SFT2D2: variants seen among roughly 807,000 people sequenced by gnomAD.
SFT2D2 encodes the protein vesicle transport protein SFT2B.
A neutral mutation model predicts 27.4 loss-of-function variants in SFT2D2; 21 were observed. The ratio of observed to expected loss-of-function variants is 0.77; its 90% CI spans 0.54 to 1.10. SFT2D2 has a LOEUF of 1.10. SFT2D2 is among the 50% of genes least tolerant of loss of function. SFT2D2 has a pLI of 0.00. For synonymous variants in SFT2D2, 72 were observed against 71.7 expected (o/e 1.00, Z -0.02); for missense variants, 187 against 194.2 (o/e 0.96, Z 0.22).
At position 168,248,898 on chromosome 1, in the gene SFT2D2, A is replaced by C. The variant is rs1425844519; in HGVS notation, c.*6358A>C. On this transcript the variant is annotated 3_prime_UTR_variant, in exon 8 of 8. Transcript: ENST00000271375. ...CGTAGAGTTGTTTATAGTATTCTCT[A>C]ATGGTAGTTTGTATTTCTGTGGTAT... 1 of 151,734 alleles carries C rather than the reference A, an allele frequency of 6.6e-6. No individual in the cohort carries two copies. Among genetic ancestry groups the C allele is most frequent in the Admixed American group, 6.6e-5 (1 of 15,240 alleles). 9.4% of individuals were successfully genotyped at this position (151,734 alleles called of 1,614,324 possible).
intron 2 of SFT2D2, 23 bp downstream of exon 2, chr1:168,231,623 G>C: frequency 6.2e-7 from 1 of 1,606,930 alleles, no homozygotes; most frequent in Non-Finnish European, 8.5e-7. Flanking sequence ...TTCCTCCTCT[G>C]TCTTTTCCTT....
At chr1:168,235,263 A>C in intron 4 of SFT2D2, 81 bp downstream of exon 4, 1 of 1,334,918 alleles carries the variant, frequency 7.5e-7, no homozygotes, top group Non-Finnish European at 1.1e-6. Context: ...TTTAAATCTA[A>C]AGACCTCTTC....
chr1:168,242,655 A>T lies in SFT2D2; in HGVS notation c.*115A>T. Reference sequence around the variant, plus strand: ...AGACATGTGCCTTTTATCTTGCAGCAATGTGTTGCTTGTGATTCGAACATT... The same window carrying T: ...AGACATGTGCCTTTTATCTTGCAGCTATGTGTTGCTTGTGATTCGAACATT... On this transcript the variant is annotated 3_prime_UTR_variant, in exon 8 of 8. Coordinates refer to ENST00000271375, the MANE Select transcript of SFT2D2 (RefSeq NM_199344.3). 1 of 1,268,080 alleles carries T rather than the reference A, an allele frequency of 7.9e-7. No individual in the cohort carries two copies. 78.6% of individuals were successfully genotyped at this position (1,268,080 alleles called of 1,614,324 possible).
chr1:168,242,608 A>ATC lies in SFT2D2; in HGVS notation c.*70_*71dup. Reference sequence around the variant, plus strand: ...GAAGCTGGTGGACAGTTTTGTAACTATCTTCGAAACCTCTGTCTTACAGAC... The same window carrying ATC: ...GAAGCTGGTGGACAGTTTTGTAACTATCTCTTCGAAACCTCTGTCTTACAGAC... On this transcript the variant is annotated 3_prime_UTR_variant, in exon 8 of 8. Transcript: ENST00000271375. 6.4e-7 allele frequency: 1 copy of ATC among 1,572,436 alleles called. No homozygotes were observed.
In SFT2D2 at chr1:168,226,256, C is replaced by T. The variant is rs1481100052; in HGVS notation, c.63+114C>T. 3.6e-6 allele frequency: 3 copies of T among 836,364 alleles called. No individual in the cohort carries two copies. The African/African-American group carries it at 5.5e-5, about 15-fold the overall frequency. The allele number at this position is 836,364 out of a possible 1,614,324, so 51.8% of individuals were successfully genotyped here. A position where few individuals can be genotyped will look rare whatever the true frequency, so the allele number is the denominator to read the frequency against. On this transcript the variant is annotated intron_variant, in intron 1 of 7. Transcript: ENST00000271375. ...TGGAGTTTCTGGACGGTAGCTCTGC[C>T]CCTTCTCCTCCTCTTCTTCTGCAGG...
chr1:168,235,237 A>T, intron 4 of SFT2D2, 55 bp downstream of exon 4: 4 of 1,526,054 alleles, frequency 2.6e-6, no homozygotes, highest in Non-Finnish European at 3.6e-6. Context: ...TTTCTATTGT[A>T]TAGGATGTTT....
Position 168,237,449 on chromosome 1 carries a change from A to T in SFT2D2, c.413+679A>T, listed in dbSNP as rs560977692. On this transcript the variant is annotated intron_variant, in intron 6 of 7. Coordinates refer to ENST00000271375, the MANE Select transcript of SFT2D2 (RefSeq NM_199344.3). ...AGGTTCATGGTCCTTTCAAGCCTATACGACCTCAGAGTGAGAGGGGTGGTG... is the reference window on the plus strand; with the variant it reads ...AGGTTCATGGTCCTTTCAAGCCTATTCGACCTCAGAGTGAGAGGGGTGGTG... 2.6e-5 allele frequency among the ~76,000 whole-genome samples: 4 copies of T among 152,330 alleles called. No homozygotes were observed. The East Asian group carries it at 7.7e-4, about 29-fold the overall frequency.
chr1:168,247,374 C>A lies in SFT2D2; in HGVS notation c.*4834C>A, dbSNP rs967409781. ...GTATGTGATGTTCCCCTCCCTTTTCCATGTGTTCTCATTGTTCAACTCCCA... is the reference window on the plus strand; with the variant it reads ...GTATGTGATGTTCCCCTCCCTTTTCAATGTGTTCTCATTGTTCAACTCCCA... On this transcript the variant is annotated 3_prime_UTR_variant, in exon 8 of 8. Transcript: ENST00000271375. 2.3e-5 allele frequency: 4 copies of A among 171,358 alleles called. No individual in the cohort carries two copies. The highest frequency in any genetic ancestry group is 9.6e-5 in the African/African-American group (4 of 41,492). 10.6% of individuals were successfully genotyped at this position (171,358 alleles called of 1,614,324 possible).
At chr1:168,241,269 C>T (rs1647637818) in intron 7 of SFT2D2, among the ~76,000 whole-genome samples, 2 of 134,190 alleles carry the variant, frequency 1.5e-5, no homozygotes, top group South Asian at 2.4e-4. Context: ...GTGCAGTGGC[C>T]CGATGTCAGC....
At chr1:168,234,008 GT>G (rs1315964073) in intron 3 of SFT2D2, among the ~76,000 whole-genome samples, 1 of 152,218 alleles carries the variant, frequency 6.6e-6, no homozygotes, top group Non-Finnish European at 1.5e-5. Flanking sequence ...TATTGGCCGG[GT>G]GTGGTGGCTC....
Position 168,246,555 on chromosome 1 carries a change from C to T in SFT2D2, c.*4015C>T. ...ACTTACTCTCAGCTTTAGAAAGTTGCTGAGAAAGAATCAGAACATGAGAAT... is the reference window on the plus strand; with the variant it reads ...ACTTACTCTCAGCTTTAGAAAGTTGTTGAGAAAGAATCAGAACATGAGAAT... On this transcript the variant is annotated 3_prime_UTR_variant, in exon 8 of 8. Transcript: ENST00000271375. 1.3e-6 allele frequency: 2 copies of T among 1,510,306 alleles called. No individual in the cohort carries two copies. The highest frequency in any genetic ancestry group is 1.8e-6 in the Non-Finnish European group (2 of 1,104,214). The allele number at this position is 1,510,306 out of a possible 1,614,324, so 93.6% of individuals were successfully genotyped here.
At chr1:168,239,027 G>T in intron 6 of SFT2D2, 104 bp from the exon 7 acceptor site, 1 of 882,494 alleles carries the variant, frequency 1.1e-6, no homozygotes. Flanking sequence ...GAGAGGGTCT[G>T]GATAGATCAC....
intron 3 of SFT2D2, among the ~76,000 whole-genome samples, chr1:168,232,849 T>C (rs907440419): frequency 6.6e-6 from 1 of 152,218 alleles, no homozygotes; most frequent in African/African-American, 2.4e-5. Flanking sequence ...CGACACGACC[T>C]GAGTCAGGGA....
chr1:168,230,967 G>T (rs755619456), intron 1 of SFT2D2, among the ~76,000 whole-genome samples: 3 of 152,202 alleles, frequency 2.0e-5, no homozygotes, highest in Non-Finnish European at 4.4e-5. Flanking sequence ...GGATGAGTTG[G>T]CTGATGCCAG....
rs560815130 is a variant in SFT2D2 at position 168,243,076 on chromosome 1, A to G, written c.*536A>G. 1.8e-4 allele frequency: 28 copies of G among 156,160 alleles called. No homozygotes were observed. The highest frequency in any genetic ancestry group is 5.8e-4 in the South Asian group (3 of 5,158). 9.7% of individuals were successfully genotyped at this position (156,160 alleles called of 1,614,324 possible). A position where few individuals can be genotyped will look rare whatever the true frequency, so the allele number is the denominator to read the frequency against. ...AGCCTGGCCATGGAGTGAGGTAGAA[A>G]AGAAGCACTTTTTGGTGGTATATGC... On this transcript the variant is annotated 3_prime_UTR_variant, in exon 8 of 8. Coordinates refer to ENST00000271375, the MANE Select transcript of SFT2D2 (RefSeq NM_199344.3).
chr1:168,236,613 T>A lies in SFT2D2; in HGVS notation c.343T>A (p.Ser115Thr). 1 of 1,613,724 alleles carries A rather than the reference T, an allele frequency of 6.2e-7. No individual in the cohort carries two copies. The highest frequency in any genetic ancestry group is 8.5e-7 in the Non-Finnish European group (1 of 1,179,972). Residue 115 changes from serine (S) to threonine (T), a missense_variant, in exon 5 of 8, where the codon TCT becomes ACT. Coordinates refer to ENST00000271375, the MANE Select transcript of SFT2D2 (RefSeq NM_199344.3). ...GTTGTGTTTTGCACTTACCCTGTGT[T>A]CTGCCTTTTGGGTAAATGTATATTT... is the stretch of plus-strand genomic sequence containing the variant. ...VLLCFALTLC[S>T]AFWWHNKGLA...
Position 168,246,867 on chromosome 1 carries a change from T to G in SFT2D2, c.*4327T>G. 1.6e-6 allele frequency: 1 copy of G among 627,604 alleles called. No individual in the cohort carries two copies. Among genetic ancestry groups the G allele is most frequent in the South Asian group, 1.5e-5 (1 of 68,646 alleles). 38.9% of individuals were successfully genotyped at this position (627,604 alleles called of 1,614,324 possible). On this transcript the variant is annotated 3_prime_UTR_variant, in exon 8 of 8. Coordinates refer to ENST00000271375, the MANE Select transcript of SFT2D2 (RefSeq NM_199344.3). ...TAGAGCCTTTTGAAGGTCTTCATGC[T>G]TTCTTTTTATAATTTCAATGTCTTT...
At chr1:168,237,861 GTTTT>G (rs34474940) in intron 6 of SFT2D2, among the ~76,000 whole-genome samples, 3 of 98,330 alleles carry the variant, frequency 3.1e-5, no homozygotes, top group Non-Finnish European at 7.1e-5. Context: ...GTGTGTGTAT[GTTTT>G]TTTTTTTTTT....
chr1:168,239,090 C>T (rs536792918), intron 6 of SFT2D2, 41 bp from the exon 7 acceptor site: 46 of 1,474,258 alleles, frequency 3.1e-5, no homozygotes, highest in East Asian at 6.8e-5. Flanking sequence ...TCTGCTACTC[C>T]CTTCATCTCA....
Sources: allele counts gnomAD v4.1 joint callset (sites outside exome capture counted in the v4.1 genomes callset), GRCh38; gene constraint gnomAD v4.1.1; transcripts MANE v1.5; gene names NCBI Gene and HGNC (gene_info 2026-07-23, HGNC 2026-07-21).